The following PCDH11X variants were observed in gnomAD, a reference collection of about 807,000 sequenced individuals.
PCDH11X encodes protocadherin-11 X-linked.
A neutral mutation model predicts 53.3 loss-of-function variants in PCDH11X; 18 were observed. The ratio of observed to expected loss-of-function variants is 0.34; its 90% CI spans 0.23 to 0.50. PCDH11X has a LOEUF of 0.50. Ranked by LOEUF, PCDH11X falls within the 20% of genes least tolerant of loss-of-function variation. The pLI, the probability that PCDH11X is intolerant of heterozygous loss-of-function variation, is 0.98. For synonymous variants in PCDH11X, 279 were observed against 393.3 expected, an observed-to-expected ratio of 0.71 and a Z score of 3.44; for missense variants, 570 against 1,032.4, an observed-to-expected ratio of 0.55 and a Z score of 6.14.
chrX:91,995,239 A>G (rs1464232208), intron 6 of PCDH11X, among the ~76,000 whole-genome samples: 1 of 107,631 alleles, frequency 9.3e-6, no homozygotes, highest in African/African-American at 3.5e-5. Context: ...CAAAAAAACA[A>G]ACAAAAAAAA....
intron 10 of PCDH11X, among the ~76,000 whole-genome samples, chrX:92,546,411 C>G (rs762944589): frequency 9.0e-6 from 1 of 111,367 alleles, no homozygotes; most frequent in Non-Finnish European, 1.9e-5. Context: ...ACATGAAAGA[C>G]GAGTCTTAGA....
At chrX:92,452,336 T>G (rs1432884942) in intron 9 of PCDH11X, among the ~76,000 whole-genome samples, 1 of 98,240 alleles carries the variant, frequency 1.0e-5, no homozygotes, top group African/African-American at 3.7e-5. Flanking sequence ...TTGAACTCTC[T>G]GTAAGAAAGA....
chrX:91,910,873 CT>C (rs1941346753), intron 6 of PCDH11X, among the ~76,000 whole-genome samples: 1 of 110,784 alleles, frequency 9.0e-6, no homozygotes, highest in South Asian at 3.8e-4. Flanking sequence ...GATAAGCTAG[CT>C]TTTTTATATT....
intron 7 of PCDH11X, among the ~76,000 whole-genome samples, chrX:92,214,241 G>A (rs934495940): frequency 1.8e-5 from 2 of 112,018 alleles, no homozygotes; most frequent in Non-Finnish European, 3.8e-5. Context: ...AGAGTTGCCA[G>A]TAGGGCACAT....
chrX:92,263,278 G>C, intron 8 of PCDH11X, 135 bp downstream of exon 8: 2 of 479,823 alleles, frequency 4.2e-6, no homozygotes, highest in South Asian at 1.2e-4. Context: ...CTTTAAAAGA[G>C]AGTCAAGCTG....
At chrX:91,960,444 A>G (rs1364469866) in intron 6 of PCDH11X, among the ~76,000 whole-genome samples, 2 of 110,294 alleles carry the variant, frequency 1.8e-5, no homozygotes, top group Non-Finnish European at 3.8e-5. Context: ...TTGTTGTTTG[A>G]GATGGAGTCT....
chrX:92,113,295 G>A (rs1206744720), intron 6 of PCDH11X: 36 of 1,198,986 alleles, frequency 3.0e-5, no homozygotes, highest in Non-Finnish European at 3.9e-5. Flanking sequence ...TGTTGTAGAA[G>A]GTCTCAATGT....
Position 92,113,892 on chromosome X carries a change from A to T in PCDH11X, c.3034-87483A>T, listed in dbSNP as rs149953345. On this transcript the variant is annotated intron_variant, in intron 6 of 10. Coordinates refer to ENST00000682573, the MANE Select transcript of PCDH11X (RefSeq NM_032968.5). ...TGTCATAGATCTGGTCCTTGAATCC[A>T]CGGCTTAACATTTCGTCAGCTTCAT... 6.2e-4 allele frequency: 742 copies of T among 1,199,105 alleles called. 2 individuals carry two copies. The African/African-American group carries it at 0.012, about 19-fold the overall frequency.
chrX:92,373,326 G>A, intron 8 of PCDH11X, among the ~76,000 whole-genome samples: 1 of 111,316 alleles, frequency 9.0e-6, no homozygotes, highest in African/African-American at 3.3e-5. Context: ...TTGTGACTAA[G>A]AAGATAAGGT....
intron 8 of PCDH11X, among the ~76,000 whole-genome samples, chrX:92,376,993 C>G (rs2070767309): frequency 9.0e-6 from 1 of 110,920 alleles, no homozygotes; most frequent in Admixed American, 9.6e-5. Context: ...ATATAATTGC[C>G]AGGTACAGTT....
chrX:91,948,222 AT>A (rs1221788595), intron 6 of PCDH11X, among the ~76,000 whole-genome samples: 1 of 109,550 alleles, frequency 9.1e-6, no homozygotes, highest in Non-Finnish European at 1.9e-5. Context: ...TTAAGTCAAC[AT>A]TTTCCCTTTA....
chrX:92,096,434 GTGTA>G (rs1423237310), intron 6 of PCDH11X, among the ~76,000 whole-genome samples: 2 of 66,172 alleles, frequency 3.0e-5, no homozygotes, highest in Non-Finnish European at 2.9e-5. Flanking sequence ...TGGAGTGTAT[GTGTA>G]TGTGTGTGTG....
In PCDH11X at chrX:92,618,526, C is replaced by CCCA; in HGVS notation, c.3636_3638dup (p.Pro1213dup). On this transcript the variant is annotated inframe_insertion, in exon 11 of 11. Coordinates refer to ENST00000682573, the MANE Select transcript of PCDH11X (RefSeq NM_032968.5). ...CACAGACCATCGCATTGTGCCACAG[C>CCCA]CCACCACCGATACAGGTGTCTGCTC... 1 of 1,211,631 alleles carries CCCA rather than the reference C, an allele frequency of 8.3e-7. No individual in the cohort carries two copies. Among genetic ancestry groups the CCCA allele is most frequent in the Non-Finnish European group, 1.1e-6 (1 of 895,403 alleles).
Position 91,930,487 on chromosome X carries a change from G to A in PCDH11X, c.3033+51214G>A, listed in dbSNP as rs748257194. Among the ~76,000 whole-genome samples, 537 of 104,203 alleles carry A rather than the reference G, an allele frequency of 5.2e-3. 4 individuals carry two copies. The highest frequency in any genetic ancestry group is 0.018 in the African/African-American group (508 of 28,857). 90.5% of individuals were successfully genotyped at this position (104,203 alleles called of 115,157 possible). A position where few individuals can be genotyped will look rare whatever the true frequency, so the allele number is the denominator to read the frequency against. ...AGAGTAAGAGAAAAAAAAAAAAAGA[G>A]GTCCTCTCCAAATATATATATATAC... On this transcript the variant is annotated intron_variant, in intron 6 of 10. Coordinates refer to ENST00000682573, the MANE Select transcript of PCDH11X (RefSeq NM_032968.5).
At chrX:92,122,023 T>A (rs1437144749) in intron 6 of PCDH11X, among the ~76,000 whole-genome samples, 1 of 103,869 alleles carries the variant, frequency 9.6e-6, no homozygotes, top group Admixed American at 1.0e-4. Flanking sequence ...TCACTCTTGT[T>A]GCCGAGGCTG....
intron 7 of PCDH11X, among the ~76,000 whole-genome samples, chrX:92,262,476 C>T (rs1253178581): frequency 9.0e-6 from 1 of 110,847 alleles, no homozygotes; most frequent in Non-Finnish European, 1.9e-5. Context: ...TAACCTGTCT[C>T]CTGAAAGTGG....
Position 92,412,954 on chromosome X carries a change from C to A in PCDH11X, c.3343+25021C>A, listed in dbSNP as rs191394988. The stretch of plus-strand genomic sequence containing the variant: ...TATTTCTCCTAAGAAATTGCTTTGT[C>A]TTTTGTTTTTGACAGCATGTATAAT... On this transcript the variant is annotated intron_variant, in intron 9 of 10. Transcript: ENST00000682573. 2.3e-3 allele frequency among the ~76,000 whole-genome samples: 245 copies of A among 105,963 alleles called. 5 individuals are homozygous for A. Among genetic ancestry groups the A allele is most frequent in the Admixed American group, 0.016 (151 of 9,681 alleles). 92.0% of individuals were successfully genotyped at this position (105,963 alleles called of 115,157 possible). A position where few individuals can be genotyped will look rare whatever the true frequency, so the allele number is the denominator to read the frequency against.
At chrX:92,600,623 C>A (rs1377508517) in intron 10 of PCDH11X, among the ~76,000 whole-genome samples, 6 of 109,270 alleles carry the variant, frequency 5.5e-5, no homozygotes, top group Non-Finnish European at 9.5e-5. Flanking sequence ...TCTGCTAGGG[C>A]AGTGCAGAAG....
At chrX:92,522,415 A>G (rs4020624) in intron 10 of PCDH11X, among the ~76,000 whole-genome samples, 10 of 111,475 alleles carry the variant, frequency 9.0e-5, no homozygotes, top group African/African-American at 3.3e-4. Context: ...TGTGGTATCC[A>G]AAAGCAATTA....
Sources: allele counts gnomAD v4.1 joint callset (sites outside exome capture counted in the v4.1 genomes callset), GRCh38; gene constraint gnomAD v4.1.1; transcripts MANE v1.5; gene names NCBI Gene and HGNC (gene_info 2026-07-23, HGNC 2026-07-21).